SMIM28: variants seen among roughly 807,000 people sequenced by gnomAD.
The protein encoded by SMIM28 is small integral membrane protein 28.
intron 1 of SMIM28, among the ~76,000 whole-genome samples, chr6:138,382,020 A>T (rs373988294): frequency 6.6e-6 from 1 of 152,256 alleles, no homozygotes; most frequent in Admixed American, 6.5e-5. Flanking sequence ...GCTCACTGGC[A>T]TAAGTAAATG....
chr6:138,382,388 CTG>C (rs1774322615), intron 1 of SMIM28, 110 bp from the exon 2 acceptor site: 1 of 342,778 alleles, frequency 2.9e-6, no homozygotes, highest in Admixed American at 6.8e-5. Flanking sequence ...CGGAGCAAGA[CTG>C]TGTCTCAAAA....
At chr6:138,379,673 A>C (rs957851588) in intron 1 of SMIM28, among the ~76,000 whole-genome samples, 6 of 152,212 alleles carry the variant, frequency 3.9e-5, no homozygotes, top group African/African-American at 7.2e-5. Context: ...TTAATCATTA[A>C]AAATGTTAAA....
intron 1 of SMIM28, among the ~76,000 whole-genome samples, chr6:138,382,194 T>C (rs888469974): frequency 4.6e-5 from 7 of 151,964 alleles, no homozygotes; most frequent in South Asian, 2.1e-4. Context: ...GTCAGGAGTT[T>C]GAGACCAGTC....
intron 1 of SMIM28, among the ~76,000 whole-genome samples, chr6:138,380,894 G>T (rs1394937414): frequency 7.3e-5 from 11 of 151,270 alleles, no homozygotes; most frequent in African/African-American, 2.2e-4. Context: ...GTTTATGAGG[G>T]TTTTTTTTGT....
intron 1 of SMIM28, among the ~76,000 whole-genome samples, chr6:138,379,236 G>A (rs1774288529): frequency 6.6e-6 from 1 of 152,152 alleles, no homozygotes; most frequent in Non-Finnish European, 1.5e-5. Context: ...TCAAGAAATT[G>A]TACTAGTTTG....
Position 138,379,470 on chromosome 6 carries a change from T to C in SMIM28, c.111+1287T>C, listed in dbSNP as rs1052521942. Among the ~76,000 whole-genome samples the C allele has an allele frequency of 1.2e-4, 19 of 152,194 alleles. No homozygotes were observed. The East Asian group carries it at 2.7e-3, about 22-fold the overall frequency. On this transcript the variant is annotated intron_variant, in intron 1 of 1. Transcript: ENST00000573100. ...ATATTCTATGCATACTGACTTTCTA[T>C]GATATAATAGAGAATTTAAAATTTA...
chr6:138,378,068 A>T lies in SMIM28; in HGVS notation c.-5A>T. Reference sequence around the variant, plus strand: ...GGGTGGCCAGGGCATCAGCTGGATGAAAACATGCGGGGACTGCTGGGCAGC... The same window carrying T: ...GGGTGGCCAGGGCATCAGCTGGATGTAAACATGCGGGGACTGCTGGGCAGC... On this transcript the variant is annotated 5_prime_UTR_variant, in exon 1 of 2. The change creates a premature stop within an existing upstream ORF in the 5' untranslated region. Transcript: ENST00000573100. 2.5e-6 allele frequency: 1 copy of T among 398,862 alleles called. No homozygotes were observed. The highest frequency in any genetic ancestry group is 4.4e-6 in the Non-Finnish European group (1 of 226,258). The allele number at this position is 398,862 out of a possible 1,614,324, so 24.7% of individuals were successfully genotyped here.
rs1009999497 is a variant in SMIM28, at chr6:138,382,510, G to A, written c.122G>A (p.Gly41Glu). 5.0e-6 allele frequency: 2 copies of A among 398,348 alleles called. No individual in the cohort carries two copies. The highest frequency in any genetic ancestry group is 2.1e-5 in the African/African-American group (1 of 48,554). 24.7% of individuals were successfully genotyped at this position (398,348 alleles called of 1,614,324 possible). The change falls in exon 2 of 2, where the codon GGG (glycine) becomes GAG (glutamate). Residue 41 changes from glycine to glutamate, a missense_variant. By Grantham distance (98) the Gly-to-Glu change is moderately conservative. Coordinates refer to ENST00000573100, the MANE Select transcript of SMIM28 (RefSeq NM_001368163.3). Reference protein sequence around the residue: ...LLETQLQGTQGVSSTQEDVEP... With the variant: ...LLETQLQGTQEVSSTQEDVEP... ...CTTCCCTAACTCCAGGGCACCCAGG[G>A]GGTGAGCTCCACCCAGGAGGATGTG...
In SMIM28 at chr6:138,383,103, C is replaced by A; in HGVS notation, c.*256C>A. On this transcript the variant is annotated 3_prime_UTR_variant, in exon 2 of 2. Coordinates refer to ENST00000573100, the MANE Select transcript of SMIM28 (RefSeq NM_001368163.3). The stretch of plus-strand genomic sequence containing the variant: ...TCCCAGGTTCTTCTAAAGATGACTG[C>A]ACTCTCCTAAAATGTATAACACTCC... The A allele has an allele frequency of 3.3e-6, 1 of 305,124 alleles. No homozygotes were observed. The allele number at this position is 305,124 out of a possible 1,614,324, so 18.9% of individuals were successfully genotyped here.
chr6:138,381,327 T>C (rs562951735), intron 1 of SMIM28, among the ~76,000 whole-genome samples: 1 of 152,344 alleles, frequency 6.6e-6, no homozygotes, highest in East Asian at 1.9e-4. Flanking sequence ...CACTTGTTAC[T>C]ATATGCTTTA....
At chr6:138,382,396 C>CAGAAAAAAA in intron 1 of SMIM28, 104 bp from the exon 2 acceptor site, 1 of 135,736 alleles carries the variant, frequency 7.4e-6, no homozygotes, top group Non-Finnish European at 1.4e-5. Context: ...GACTGTGTCT[C>CAGAAAAAAA]AAAAAAAAAA....
chr6:138,380,594 C>T (rs796907605), intron 1 of SMIM28, among the ~76,000 whole-genome samples: 25 of 152,068 alleles, frequency 1.6e-4, no homozygotes, highest in African/African-American at 6.0e-4. Flanking sequence ...GGTGAAACCC[C>T]GTCTGTACTA....
At chr6:138,381,664 C>A (rs1382945737) in intron 1 of SMIM28, among the ~76,000 whole-genome samples, 1 of 152,182 alleles carries the variant, frequency 6.6e-6, no homozygotes, top group Non-Finnish European at 1.5e-5. Flanking sequence ...ATCATACGCA[C>A]CATCAAATCC....
chr6:138,379,641 G>A (rs1032217607), intron 1 of SMIM28, among the ~76,000 whole-genome samples: 1 of 152,134 alleles, frequency 6.6e-6, no homozygotes, highest in Non-Finnish European at 1.5e-5. Flanking sequence ...TATTAAGCTA[G>A]TATAAGCTAT....
intron 1 of SMIM28, among the ~76,000 whole-genome samples, chr6:138,381,915 A>G (rs1041964429): frequency 2.6e-5 from 4 of 152,230 alleles, no homozygotes; most frequent in Non-Finnish European, 5.9e-5. Flanking sequence ...CTTCGTGGAA[A>G]TTTTGTAAGA....
intron 1 of SMIM28, among the ~76,000 whole-genome samples, chr6:138,378,772 T>A (rs1774283463): frequency 6.6e-6 from 1 of 152,158 alleles, no homozygotes; most frequent in Non-Finnish European, 1.5e-5. Context: ...ATTAATTTTA[T>A]AATCAGAGGA....
intron 1 of SMIM28, 112 bp from the exon 2 acceptor site, chr6:138,382,388 C>A: frequency 2.9e-6 from 1 of 342,806 alleles, no homozygotes; most frequent in Non-Finnish European, 4.8e-6. Context: ...CGGAGCAAGA[C>A]TGTGTCTCAA....
chr6:138,382,092 G>A (rs1300417336), intron 1 of SMIM28, among the ~76,000 whole-genome samples: 2 of 152,140 alleles, frequency 1.3e-5, no homozygotes, highest in African/African-American at 4.8e-5. Flanking sequence ...GGGAACTTCA[G>A]GGCCTTAGAA....
intron 1 of SMIM28, among the ~76,000 whole-genome samples, chr6:138,379,132 A>G (rs1357665627): frequency 6.6e-6 from 1 of 152,222 alleles, no homozygotes; most frequent in East Asian, 1.9e-4. Flanking sequence ...ATTCTAAGTA[A>G]TATAACATAA....
Sources: allele counts gnomAD v4.1 joint callset (sites outside exome capture counted in the v4.1 genomes callset), GRCh38; gene constraint gnomAD v4.1.1; transcripts MANE v1.5; gene names NCBI Gene and HGNC (gene_info 2026-07-23, HGNC 2026-07-21).